Variants in RABGAP1L observed in about 807,000 individuals in gnomAD.
RABGAP1L encodes rab GTPase-activating protein 1-like.
In RABGAP1L, 63 loss-of-function variants were observed where a neutral mutation model predicts 137.7. The ratio of observed to expected loss-of-function variants is 0.46; its 90% CI spans 0.37 to 0.56. The LOEUF (loss-of-function observed/expected upper bound fraction) is 0.56, where lower values mean the gene tolerates loss of function less well. Ranked by LOEUF, RABGAP1L falls within the 20% of genes least tolerant of loss-of-function variation. The pLI is 0.00. For synonymous variants in RABGAP1L, 431 were observed against 433.7 expected, an observed-to-expected ratio of 0.99 and a Z score of 0.08; for missense variants, 1,095 against 1,244.0, an observed-to-expected ratio of 0.88 and a Z score of 1.80.
At chr1:174,810,914 T>C (rs1359280100) in intron 18 of RABGAP1L, among the ~76,000 whole-genome samples, 1 of 150,974 alleles carries the variant, frequency 6.6e-6, no homozygotes, top group Admixed American at 6.6e-5. Context: ...GGCAACAGAG[T>C]GAGACTCCCA....
rs1333728986 is a variant in RABGAP1L at position 174,845,167 on chromosome 1, G to C, written c.2340+33207G>C. 9.6e-5 allele frequency among the ~76,000 whole-genome samples: 13 copies of C among 135,618 alleles called. 1 individual carries two copies. The East Asian group carries it at 3.9e-3, about 41-fold the overall frequency. The allele number at this position is 135,618 out of a possible 152,430, so 89.0% of individuals were successfully genotyped here. On this transcript the variant is annotated intron_variant, in intron 19 of 25. Coordinates refer to ENST00000681986, the MANE Select transcript of RABGAP1L (RefSeq NM_001366446.1). ...TTCTAGATAAACAATCATGTCGTCT[G>C]CAAACAGGGACAATTTGACTTCCTC...
chr1:174,640,141 G>A, intron 14 of RABGAP1L, among the ~76,000 whole-genome samples: 1 of 152,056 alleles, frequency 6.6e-6, no homozygotes, highest in East Asian at 1.9e-4. Flanking sequence ...TTTCACAACA[G>A]TCTTTGGTAA....
intron 13 of RABGAP1L, among the ~76,000 whole-genome samples, chr1:174,486,776 T>G (rs1572016761): frequency 6.6e-6 from 1 of 152,186 alleles, no homozygotes; most frequent in African/African-American, 2.4e-5. Flanking sequence ...TAAGCTCTTA[T>G]GTCTATAAAC....
At position 174,448,920 on chromosome 1, in the gene RABGAP1L, T is replaced by C; in HGVS notation, c.1710+54775T>C. 1.2e-6 allele frequency: 2 copies of C among 1,613,880 alleles called. No homozygotes were observed. The highest frequency in any genetic ancestry group is 8.5e-7 in the Non-Finnish European group (1 of 1,179,754). ...CGCTACGCCATGGTTTTGTTTAGGATAACCAGTGTATTTTATATGCTGTGG... is the reference window on the plus strand; with the variant it reads ...CGCTACGCCATGGTTTTGTTTAGGACAACCAGTGTATTTTATATGCTGTGG... On this transcript the variant is annotated intron_variant, in intron 13 of 25. Coordinates refer to ENST00000681986, the MANE Select transcript of RABGAP1L (RefSeq NM_001366446.1). The surrounding 1 kb of genome is among the most constrained non-coding windows in gnomAD (Gnocchi z 4.2).
At chr1:174,702,350 A>G in intron 17 of RABGAP1L, 94 bp downstream of exon 17, 2 of 1,141,778 alleles carry the variant, frequency 1.8e-6, no homozygotes, top group Non-Finnish European at 2.4e-6. Context: ...TGCCTGTGAC[A>G]TTAAGCCATA....
chr1:174,329,905 TA>T (rs60907175), intron 11 of RABGAP1L, among the ~76,000 whole-genome samples: 1 of 150,418 alleles, frequency 6.6e-6, no homozygotes, highest in African/African-American at 2.4e-5. Context: ...AATTTTTTTT[TA>T]AAAAAAGACT....
At chr1:174,716,217 AG>A (rs1376353809) in intron 17 of RABGAP1L, among the ~76,000 whole-genome samples, 2 of 152,202 alleles carry the variant, frequency 1.3e-5, no homozygotes, top group African/African-American at 4.8e-5. Flanking sequence ...ATCCACCGAT[AG>A]GGAGGGCAAC....
chr1:174,548,513 A>G lies in RABGAP1L; in HGVS notation c.1711-88862A>G, dbSNP rs761343833. The G allele has an allele frequency of 2.9e-4, 276 of 956,492 alleles. No homozygotes were observed. In the South Asian group the frequency reaches 3.5e-3, roughly 12 times the overall value. The allele number at this position is 956,492 out of a possible 1,614,324, so 59.3% of individuals were successfully genotyped here. Reference sequence around the variant, plus strand: ...CTGATTTTCTCATGGCAGTGTACAAATGAAATTATTCTGTAAGTTTTTCAA... The same window carrying G: ...CTGATTTTCTCATGGCAGTGTACAAGTGAAATTATTCTGTAAGTTTTTCAA... On this transcript the variant is annotated intron_variant, in intron 13 of 25. Transcript: ENST00000681986.
rs915369593 is a variant in RABGAP1L at position 174,620,807 on chromosome 1, A to G, written c.1711-16568A>G. ...ATCAGAGCAGAAATGAAGGAAATAG[A>G]GACACAAAAAACCCTTCAAAAAATC... is the stretch of plus-strand genomic sequence containing the variant. On this transcript the variant is annotated intron_variant, in intron 13 of 25. Transcript: ENST00000681986. Among the ~76,000 whole-genome samples, 4 of 142,848 alleles carry G rather than the reference A, an allele frequency of 2.8e-5. 1 individual carries two copies. Among genetic ancestry groups the G allele is most frequent in the African/African-American group, 9.3e-5 (3 of 32,304 alleles). The allele number at this position is 142,848 out of a possible 152,430, so 93.7% of individuals were successfully genotyped here.
intron 19 of RABGAP1L, among the ~76,000 whole-genome samples, chr1:174,845,159 T>C (rs12075361): frequency 0.042 from 5,966 of 142,904 alleles, 457 homozygotes; most frequent in African/African-American, 0.14. Context: ...TAAACAATCA[T>C]GTCGTCTGCA....
chr1:174,850,203 C>A (rs554707398), intron 19 of RABGAP1L: 4 of 351,112 alleles, frequency 1.1e-5, no homozygotes, highest in Non-Finnish European at 2.2e-5. Flanking sequence ...GTTTACGCCA[C>A]ACGTGGGAAC....
chr1:174,330,328 C>T (rs987437290), intron 11 of RABGAP1L, among the ~76,000 whole-genome samples: 1 of 152,086 alleles, frequency 6.6e-6, no homozygotes, highest in Admixed American at 6.5e-5. Flanking sequence ...GCCTGTAATT[C>T]CAACACTTTC....
intron 17 of RABGAP1L, among the ~76,000 whole-genome samples, chr1:174,738,172 G>T (rs544807879): frequency 1.3e-4 from 20 of 152,298 alleles, no homozygotes; most frequent in African/African-American, 4.8e-4. Flanking sequence ...GTCCTGGTCA[G>T]TTGGCCATCT....
At chr1:174,675,315 A>G (rs908365617) in intron 14 of RABGAP1L, among the ~76,000 whole-genome samples, 121 of 151,380 alleles carry the variant, frequency 8.0e-4, no homozygotes, top group Admixed American at 1.9e-3. Context: ...ATGGCTAGCC[A>G]GTTTTCCCAG....
rs540340776 is a variant in RABGAP1L, at chr1:174,610,212, C to G, written c.1711-27163C>G. Among the ~76,000 whole-genome samples, 150 of 118,736 alleles carry G rather than the reference C, an allele frequency of 1.3e-3. 1 individual carries two copies. Among genetic ancestry groups the G allele is most frequent in the African/African-American group, 4.3e-3 (139 of 32,062 alleles). The allele number at this position is 118,736 out of a possible 152,430, so 77.9% of individuals were successfully genotyped here. ...TAATGCTATCCCTTCCCCCTCCCCC[C>G]ACCCCACAACAGTCCCCAGAGTGTG... On this transcript the variant is annotated intron_variant, in intron 13 of 25. Coordinates refer to ENST00000681986, the MANE Select transcript of RABGAP1L (RefSeq NM_001366446.1).
intron 13 of RABGAP1L, among the ~76,000 whole-genome samples, chr1:174,515,193 A>C (rs1295997608): frequency 6.6e-6 from 1 of 152,180 alleles, no homozygotes; most frequent in Non-Finnish European, 1.5e-5. Flanking sequence ...GTATCCTATG[A>C]AGTAGTTACT....
rs560450206 is a variant in RABGAP1L at position 174,315,562 on chromosome 1, C to G, written c.1465+10435C>G. 1.9e-4 allele frequency among the ~76,000 whole-genome samples: 29 copies of G among 149,984 alleles called. 2 individuals carry two copies. The South Asian group carries it at 6.1e-3, about 31-fold the overall frequency. On this transcript the variant is annotated intron_variant, in intron 11 of 25. Coordinates refer to ENST00000681986, the MANE Select transcript of RABGAP1L (RefSeq NM_001366446.1). The stretch of plus-strand genomic sequence containing the variant: ...AATTTGTTTTCTGATCTTCTTTCTT[C>G]CCTTCCTGTCTTTCTATAGTGAAGA...
chr1:174,631,989 C>T (rs1466682895), intron 13 of RABGAP1L, among the ~76,000 whole-genome samples: 15 of 96,322 alleles, frequency 1.6e-4, no homozygotes, highest in African/African-American at 5.2e-4. Flanking sequence ...TTCCTAGTCT[C>T]GATGGTCTTT....
intron 18 of RABGAP1L, among the ~76,000 whole-genome samples, chr1:174,807,826 G>A (rs554482053): frequency 2.8e-4 from 43 of 152,176 alleles, no homozygotes; most frequent in Non-Finnish European, 5.6e-4. Context: ...GCCAGGCACA[G>A]TGGTTCACAT....
Sources: allele counts gnomAD v4.1 joint callset (sites outside exome capture counted in the v4.1 genomes callset), GRCh38; gene constraint gnomAD v4.1.1; non-coding constraint Gnocchi (gnomAD v3.1); transcripts MANE v1.5; gene names NCBI Gene and HGNC (gene_info 2026-07-23, HGNC 2026-07-21).